Variants in TXNDC15 observed in about 807,000 individuals in gnomAD.
TXNDC15 encodes the protein thioredoxin domain containing 15, also known as thioredoxin domain-containing protein 15.
Under a neutral mutation model 35.0 loss-of-function variants are expected in TXNDC15, and 24 were observed. The ratio of observed to expected loss-of-function variants is 0.68; its 90% CI spans 0.50 to 0.96. The LOEUF (loss-of-function observed/expected upper bound fraction) is 0.96, where lower values mean the gene tolerates loss of function less well. Among genes scored for constraint, TXNDC15 ranks in the 40% least tolerant of loss-of-function variants. The probability of loss-of-function intolerance (pLI) is 0.00; values close to 1 mark genes in which losing one functional copy is unlikely to be tolerated. For synonymous variants in TXNDC15, 169 were observed against 174.0 expected (o/e 0.97, Z 0.23); for missense variants, 385 against 453.3 (o/e 0.85, Z 1.37).
Position 134,887,632 on chromosome 5 carries a change from A to C in TXNDC15, c.104-63A>C, listed in dbSNP as rs1750300934. 4 of 1,512,506 alleles carry C rather than the reference A, an allele frequency of 2.6e-6. No individual in the cohort carries two copies. In the Admixed American group the frequency reaches 9.0e-5, roughly 34 times the overall value. 93.7% of individuals were successfully genotyped at this position (1,512,506 alleles called of 1,614,324 possible). A position where few individuals can be genotyped will look rare whatever the true frequency, so the allele number is the denominator to read the frequency against. On this transcript the variant is annotated intron_variant, in intron 1 of 4. Coordinates refer to ENST00000358387, the MANE Select transcript of TXNDC15 (RefSeq NM_024715.4). Reference sequence around the variant, plus strand: ...AAATTTCGTGTTAGAGGGGAACTGTAATTCTTTGGGGTTCATTTGTTTTGA... The same window carrying C: ...AAATTTCGTGTTAGAGGGGAACTGTCATTCTTTGGGGTTCATTTGTTTTGA...
chr5:134,887,908 G>T lies in TXNDC15; in HGVS notation c.317G>T (p.Ser106Ile). 1 of 1,614,226 alleles carries T rather than the reference G, an allele frequency of 6.2e-7. No individual in the cohort carries two copies. The highest frequency in any genetic ancestry group is 8.5e-7 in the Non-Finnish European group (1 of 1,180,032). Residue 106 changes from serine (S) to isoleucine (I), a missense_variant, in exon 2 of 5, where the codon AGT becomes ATT. Coordinates refer to ENST00000358387, the MANE Select transcript of TXNDC15 (RefSeq NM_024715.4). The part of the protein sequence containing the change: ...VIPGEAEDKV[S>I]SEPSGVTCGA... The stretch of plus-strand genomic sequence containing the variant: ...CCTGGGGAAGCTGAGGACAAAGTGA[G>T]TTCAGAGCCTAGCGGCGTCACCTGT...
intron 1 of TXNDC15, among the ~76,000 whole-genome samples, chr5:134,882,798 C>T (rs1361467263): frequency 6.6e-6 from 1 of 152,054 alleles, no homozygotes; most frequent in Non-Finnish European, 1.5e-5. Flanking sequence ...CAGTACAGTC[C>T]AGCTTCGGCT....
intron 4 of TXNDC15, 87 bp from the exon 5 acceptor site, chr5:134,899,401 TC>T (rs1332596222): frequency 8.9e-7 from 1 of 1,118,928 alleles, no homozygotes; most frequent in African/African-American, 1.6e-5. Context: ...GGACTGCATG[TC>T]ATTTTGCATA....
intron 4 of TXNDC15, among the ~76,000 whole-genome samples, chr5:134,896,686 C>T (rs1750495521): frequency 6.7e-6 from 1 of 149,494 alleles, no homozygotes; most frequent in South Asian, 2.1e-4. Context: ...CTCTGTCGCC[C>T]AGGCTGGGGT....
At chr5:134,886,173 G>A (rs1750271850) in intron 1 of TXNDC15, among the ~76,000 whole-genome samples, 1 of 152,216 alleles carries the variant, frequency 6.6e-6, no homozygotes, top group South Asian at 2.1e-4. Flanking sequence ...ATTATCACAT[G>A]TACATCTGTT....
At chr5:134,874,365 G>C (rs1749983986), upstream of TXNDC15, 7 of 1,433,698 alleles carry the variant, frequency 4.9e-6, no homozygotes, top group South Asian at 9.2e-5. Flanking sequence ...TCCTCCCCCA[G>C]CCTTCCTCCG....
chr5:134,894,976 C>T (rs1467757084), intron 3 of TXNDC15, among the ~76,000 whole-genome samples: 1 of 151,936 alleles, frequency 6.6e-6, no homozygotes, highest in African/African-American at 2.4e-5. Context: ...GAGTTTGAGA[C>T]CAGCCTGGAC....
At chr5:134,893,364 T>C in intron 2 of TXNDC15, 128 bp from the exon 3 acceptor site, 2 of 1,078,598 alleles carry the variant, frequency 1.9e-6, no homozygotes, top group Non-Finnish European at 2.7e-6. Flanking sequence ...GTTCCGAGGG[T>C]TCCTTCTCTC....
At chr5:134,893,456 T>C (rs1321831426) in intron 2 of TXNDC15, 36 bp from the exon 3 acceptor site, 1 of 1,610,664 alleles carries the variant, frequency 6.2e-7, no homozygotes, top group Non-Finnish European at 8.5e-7. Flanking sequence ...AATGTACTTT[T>C]ACTGCTAACT....
intron 1 of TXNDC15, 81 bp from the exon 2 acceptor site, chr5:134,887,614 G>T: frequency 2.0e-6 from 3 of 1,500,238 alleles, no homozygotes; most frequent in East Asian, 2.3e-5. Context: ...GGAAAATTTC[G>T]TGTTAGAGGG....
At chr5:134,893,300 T>A in intron 2 of TXNDC15, 192 bp from the exon 3 acceptor site, 2 of 558,296 alleles carry the variant, frequency 3.6e-6, no homozygotes, top group Non-Finnish European at 6.2e-6. Context: ...TAACTTGTCA[T>A]TTGATCATAC....
In TXNDC15 at chr5:134,901,289, A is replaced by C. The variant is rs1750596021; in HGVS notation, c.*1604A>C. On this transcript the variant is annotated 3_prime_UTR_variant, in exon 5 of 5. Transcript: ENST00000358387. ...TTCTTAGAGTGTTACAATGAATGGG[A>C]GTTTACAACTTTTATGTGTCATGTT... 6.6e-6 allele frequency: 1 copy of C among 152,204 alleles called. No homozygotes were observed. Among genetic ancestry groups the C allele is most frequent in the East Asian group, 1.9e-4 (1 of 5,204 alleles). The allele number at this position is 152,204 out of a possible 1,614,324, so 9.4% of individuals were successfully genotyped here.
chr5:134,874,913 C>T (rs1750002084), intron 1 of TXNDC15, among the ~76,000 whole-genome samples: 1 of 152,264 alleles, frequency 6.6e-6, no homozygotes, highest in Non-Finnish European at 1.5e-5. Context: ...AGGAACTGTG[C>T]ATCGTGCTTT....
At position 134,900,264 on chromosome 5, in the gene TXNDC15, G is replaced by A. The variant is rs1750572150; in HGVS notation, c.*579G>A. On this transcript the variant is annotated 3_prime_UTR_variant, in exon 5 of 5. Coordinates refer to ENST00000358387, the MANE Select transcript of TXNDC15 (RefSeq NM_024715.4). Reference sequence around the variant, plus strand: ...TGTTTTAAGTTGTTTCTGGGTAAGGGAGATGTTAGGAGAAAGGAAATGCTG... The same window carrying A: ...TGTTTTAAGTTGTTTCTGGGTAAGGAAGATGTTAGGAGAAAGGAAATGCTG... 1 of 152,340 alleles carries A rather than the reference G, an allele frequency of 6.6e-6. No homozygotes were observed. The highest frequency in any genetic ancestry group is 1.5e-5 in the Non-Finnish European group (1 of 68,124). 9.4% of individuals were successfully genotyped at this position (152,340 alleles called of 1,614,324 possible). A position where few individuals can be genotyped will look rare whatever the true frequency, so the allele number is the denominator to read the frequency against.
intron 1 of TXNDC15, among the ~76,000 whole-genome samples, chr5:134,883,445 A>G (rs984168653): frequency 6.6e-6 from 1 of 151,726 alleles, no homozygotes; most frequent in African/African-American, 2.4e-5. Context: ...CCAAAAAAAC[A>G]AAGACAAAAT....
chr5:134,882,090 A>G lies in TXNDC15; in HGVS notation c.104-5605A>G, dbSNP rs1435657851. On this transcript the variant is annotated intron_variant, in intron 1 of 4. Transcript: ENST00000358387. ...CGGAGGGGCTCCTCACTTCTCAGAC[A>G]GGGCGGTTGCCAGGCAGAGGGTCTC... Among the ~76,000 whole-genome samples, 13 of 132,538 alleles carry G rather than the reference A, an allele frequency of 9.8e-5. No individual in the cohort carries two copies. In the South Asian group the frequency reaches 3.1e-3, roughly 31 times the overall value. The allele number at this position is 132,538 out of a possible 152,430, so 87.0% of individuals were successfully genotyped here.
chr5:134,879,753 T>A (rs965744760), intron 1 of TXNDC15, among the ~76,000 whole-genome samples: 2 of 151,452 alleles, frequency 1.3e-5, no homozygotes, highest in Non-Finnish European at 2.9e-5. Context: ...TTAAACTCTG[T>A]CCTATGTAAC....
chr5:134,874,764 A>T (rs1464131087), intron 1 of TXNDC15, among the ~76,000 whole-genome samples: 1 of 152,236 alleles, frequency 6.6e-6, no homozygotes, highest in Non-Finnish European at 1.5e-5. Flanking sequence ...GGCCGCGTTC[A>T]GGCCGCCCTC....
rs934911963 is a variant in TXNDC15, at chr5:134,901,529, C to T, written c.*1844C>T. The T allele has an allele frequency of 6.6e-6, 1 of 152,180 alleles. No homozygotes were observed. Among genetic ancestry groups the T allele is most frequent in the Non-Finnish European group, 1.5e-5 (1 of 68,040 alleles). The allele number at this position is 152,180 out of a possible 1,614,324, so 9.4% of individuals were successfully genotyped here. On this transcript the variant is annotated 3_prime_UTR_variant, in exon 5 of 5. Transcript: ENST00000358387. ...AAGGAAAACTCTAGTGAGTCCACCTCTTATATTGAGTTATTACTGTGTGAG... is the reference window on the plus strand; with the variant it reads ...AAGGAAAACTCTAGTGAGTCCACCTTTTATATTGAGTTATTACTGTGTGAG...
Sources: gnomAD v4.1 joint callset for allele counts (sites outside exome capture counted in the v4.1 genomes callset) on GRCh38, gnomAD v4.1.1 for gene constraint, MANE v1.5 for transcripts, NCBI Gene and HGNC (gene_info 2026-07-23, HGNC 2026-07-21) for gene names.